ZFAT: variants seen among roughly 807,000 people sequenced by gnomAD.
ZFAT encodes zinc finger protein ZFAT.
In ZFAT, 64 loss-of-function variants were observed where a neutral mutation model predicts 117.7. That is an observed-to-expected ratio of 0.54 (90% CI 0.44 to 0.67). ZFAT has a LOEUF of 0.67. Ranked by LOEUF, ZFAT falls within the 30% of genes least tolerant of loss-of-function variation. The probability of loss-of-function intolerance (pLI) is 0.00; values close to 1 mark genes in which losing one functional copy is unlikely to be tolerated. For synonymous variants in ZFAT, 679 were observed against 615.0 expected (o/e 1.10, Z -1.54); for missense variants, 1,433 against 1,584.5 (o/e 0.90, Z 1.62).
chr8:134,705,096 TAC>T (rs373352939), intron 1 of ZFAT, among the ~76,000 whole-genome samples: 1 of 151,790 alleles, frequency 6.6e-6, no homozygotes, highest in Non-Finnish European at 1.5e-5. Context: ...ATTCACAACA[TAC>T]ACACACACAC....
chr8:134,596,992 T>TAA (rs199585160), intron 7 of ZFAT, among the ~76,000 whole-genome samples: 13 of 144,338 alleles, frequency 9.0e-5, no homozygotes, highest in East Asian at 5.9e-4. Context: ...GTGGATATAC[T>TAA]AAAAAAAAAA....
intron 15 of ZFAT, among the ~76,000 whole-genome samples, chr8:134,505,396 C>T (rs1162000665): frequency 6.6e-6 from 1 of 152,192 alleles, no homozygotes; most frequent in Non-Finnish European, 1.5e-5. Flanking sequence ...AATGCCCGCA[C>T]CCCTCAACCA....
At chr8:134,790,691 C>T in the ZFAT span, among the ~76,000 whole-genome samples, 1 of 152,144 alleles carries the variant, frequency 6.6e-6, no homozygotes, top group Non-Finnish European at 1.5e-5. Context: ...CTCTTCTGTG[C>T]TGCATTCTAG....
At chr8:134,637,350 C>A in intron 3 of ZFAT, 111 bp downstream of exon 3, 2 of 1,372,896 alleles carry the variant, frequency 1.5e-6, no homozygotes, top group East Asian at 2.3e-5. Flanking sequence ...TGGGTGAGAG[C>A]TGAATAAATA....
At chr8:134,619,742 C>T (rs115700298) in intron 3 of ZFAT, among the ~76,000 whole-genome samples, 213 of 152,300 alleles carry the variant, frequency 1.4e-3, no homozygotes, top group Middle Eastern at 0.01. Flanking sequence ...CCACTCAGGA[C>T]GCTGCACATG....
chr8:134,767,533 AC>A, the ZFAT span, among the ~76,000 whole-genome samples: 1 of 152,062 alleles, frequency 6.6e-6, no homozygotes, highest in African/African-American at 2.4e-5. Context: ...CTTTAGGTGT[AC>A]CTATTAAGTA....
intron 1 of ZFAT, among the ~76,000 whole-genome samples, chr8:134,677,996 G>A (rs1247385081): frequency 6.6e-6 from 1 of 152,160 alleles, no homozygotes; most frequent in Non-Finnish European, 1.5e-5. Flanking sequence ...ATATCGTATT[G>A]AATGGGCAAA....
At chr8:134,677,469 A>C (rs988397443) in intron 1 of ZFAT, among the ~76,000 whole-genome samples, 1 of 152,198 alleles carries the variant, frequency 6.6e-6, no homozygotes, top group Non-Finnish European at 1.5e-5. Context: ...CCAACCAAAA[A>C]AAGTCCAGGA....
At chr8:134,644,827 TCA>T (rs1441557792) in intron 2 of ZFAT, among the ~76,000 whole-genome samples, 1 of 151,168 alleles carries the variant, frequency 6.6e-6, no homozygotes, top group Non-Finnish European at 1.5e-5. Context: ...ATATACAGTA[TCA>T]CACACGTGCA....
chr8:134,551,054 T>C (rs1194440893), intron 11 of ZFAT, among the ~76,000 whole-genome samples: 2 of 152,234 alleles, frequency 1.3e-5, no homozygotes, highest in Admixed American at 6.5e-5. Flanking sequence ...AGCATTTTGA[T>C]TGAAGATTTT....
At chr8:134,712,105 G>A (rs1055547578) in intron 1 of ZFAT, among the ~76,000 whole-genome samples, 2 of 152,230 alleles carry the variant, frequency 1.3e-5, no homozygotes, top group Non-Finnish European at 2.9e-5. Flanking sequence ...ATTCTAAGAA[G>A]ATGGAGGTAC....
chr8:134,775,635 C>T, the ZFAT span, among the ~76,000 whole-genome samples: 2 of 152,156 alleles, frequency 1.3e-5, no homozygotes, highest in Non-Finnish European at 2.9e-5. Context: ...AAAGTGGTTG[C>T]AAGTACTGGG....
intron 12 of ZFAT, among the ~76,000 whole-genome samples, chr8:134,524,481 C>T (rs1820882870): frequency 6.6e-6 from 1 of 152,214 alleles, no homozygotes; most frequent in South Asian, 2.1e-4. Flanking sequence ...ATGAATTCTT[C>T]ACTTCCCTGT....
At chr8:134,776,469 G>C in the ZFAT span, among the ~76,000 whole-genome samples, 1 of 151,754 alleles carries the variant, frequency 6.6e-6, no homozygotes, top group African/African-American at 2.4e-5. Context: ...CATCCGGCTA[G>C]TTATTTTATT....
rs541083656 is a variant in ZFAT at position 134,497,194 on chromosome 8, A to G, written c.3492+12425T>C. Among the ~76,000 whole-genome samples, 3 of 152,324 alleles carry G rather than the reference A, an allele frequency of 2.0e-5. No individual in the cohort carries two copies. In the East Asian group the frequency reaches 5.8e-4, roughly 29 times the overall value. On this transcript the variant is annotated intron_variant, in intron 15 of 15. Transcript: ENST00000377838. The stretch of plus-strand genomic sequence containing the variant: ...GATGGAGAGCTTCTATTCTAAGTTT[A>G]CTGGAGACGTTCTGAGTTATTGGAG...
At chr8:134,766,772 G>A in the ZFAT span, 1 of 152,166 alleles carries the variant, frequency 6.6e-6, no homozygotes, top group Non-Finnish European at 1.5e-5. Flanking sequence ...GAAACACAGA[G>A]GTTAGGCAAC....
Position 134,627,513 on chromosome 8 carries a change from C to G in ZFAT, c.448+9948G>C, listed in dbSNP as rs150626970. On this transcript the variant is annotated intron_variant, in intron 3 of 15. Transcript: ENST00000377838. Reference sequence around the variant, plus strand: ...AGCAGGAGAGCAGGAGGAAAAAGAACTAAAGCATCTGCAGATTCAGAAATG... The same window carrying G: ...AGCAGGAGAGCAGGAGGAAAAAGAAGTAAAGCATCTGCAGATTCAGAAATG... Among the ~76,000 whole-genome samples, 76 of 152,270 alleles carry G rather than the reference C, an allele frequency of 5.0e-4. 1 individual carries two copies. The East Asian group carries it at 0.012, about 24-fold the overall frequency.
intron 5 of ZFAT, among the ~76,000 whole-genome samples, chr8:134,603,979 A>G (rs1371195359): frequency 6.6e-6 from 1 of 152,140 alleles, no homozygotes; most frequent in Non-Finnish European, 1.5e-5. Context: ...TTTGTATTCC[A>G]TTTATTCATA....
intron 1 of ZFAT, among the ~76,000 whole-genome samples, chr8:134,694,836 T>C (rs1586962768): frequency 6.6e-6 from 1 of 152,134 alleles, no homozygotes; most frequent in Non-Finnish European, 1.5e-5. Flanking sequence ...TTCGGAGTAT[T>C]AAATAGAAAA....
Sources: allele counts gnomAD v4.1 joint callset (sites outside exome capture counted in the v4.1 genomes callset), GRCh38; gene constraint gnomAD v4.1.1; transcripts MANE v1.5; gene names NCBI Gene and HGNC (gene_info 2026-07-23, HGNC 2026-07-21).